Variants in PLCB4 observed in about 807,000 individuals in gnomAD.
The protein encoded by PLCB4 is 1-phosphatidylinositol 4,5-bisphosphate phosphodiesterase beta-4.
PLCB4 carries 77 observed loss-of-function variants against 178.8 expected under a neutral mutation model. That is an observed-to-expected ratio of 0.43 (90% CI 0.36 to 0.52). PLCB4 has a LOEUF of 0.52. Ranked by LOEUF, PLCB4 falls within the 20% of genes least tolerant of loss-of-function variation. The pLI, the probability that PLCB4 is intolerant of heterozygous loss-of-function variation, is 0.00. For missense variants in PLCB4, 1,024 were observed against 1,453.4 expected, an observed-to-expected ratio of 0.70 and a Z score of 4.80; for synonymous variants, 496 against 490.8, an observed-to-expected ratio of 1.01 and a Z score of -0.14.
Position 9,452,139 on chromosome 20 carries a change from C to T in PLCB4, c.2881-1208C>T, listed in dbSNP as rs142098755. 6.8e-3 allele frequency among the ~76,000 whole-genome samples: 1,039 copies of T among 152,250 alleles called. 12 individuals are homozygous for T. Among genetic ancestry groups the T allele is most frequent in the Middle Eastern group, 0.017 (5 of 294 alleles). On this transcript the variant is annotated intron_variant, in intron 32 of 39. Transcript: ENST00000378473. ...AATGCTGAGGCCTTGTGCATGAATG[C>T]GTTTCTAAAGAATTTATATATAAAT...
At chr20:9,433,796 A>G (rs1238437942) in intron 28 of PLCB4, among the ~76,000 whole-genome samples, 1 of 152,222 alleles carries the variant, frequency 6.6e-6, no homozygotes, top group Non-Finnish European at 1.5e-5. Context: ...AGATTTAAGA[A>G]CTAATTTTTC....
In PLCB4 at chr20:9,121,606, A is replaced by C. The variant is rs149934947; in HGVS notation, c.-79+25264A>C. On this transcript the variant is annotated intron_variant, in intron 2 of 39. Transcript: ENST00000378473. ...CCGATATAAAATGTACTACTAGAAT[A>C]TTCAGAAATCCTTTAGGGAGAATTG... Among the ~76,000 whole-genome samples, 949 of 152,328 alleles carry C rather than the reference A, an allele frequency of 6.2e-3. 7 individuals carry two copies. Among genetic ancestry groups the C allele is most frequent in the South Asian group, 0.015 (71 of 4,830 alleles).
chr20:9,292,124 A>G (rs908783501), intron 3 of PLCB4, among the ~76,000 whole-genome samples: 38 of 152,270 alleles, frequency 2.5e-4, no homozygotes, highest in African/African-American at 7.5e-4. Context: ...CACTTTGCCC[A>G]TTTTTGTGAA....
intron 34 of PLCB4, 49 bp downstream of exon 34, chr20:9,457,538 T>TAA (rs1397161655): frequency 4.4e-6 from 4 of 903,102 alleles, no homozygotes; most frequent in Non-Finnish European, 7.5e-6. Flanking sequence ...AGACACTTTG[T>TAA]AATTTTTTAG....
In PLCB4 at chr20:9,180,542, G is replaced by A. The variant is rs139379391; in HGVS notation, c.-78-36848G>A. ...GCCTAAACTCAGTTTAGCATGGCTG[G>A]TGTTACAACCCTCAATTCCTTTCTG... On this transcript the variant is annotated intron_variant, in intron 2 of 39. Transcript: ENST00000378473. 5.3e-4 allele frequency among the ~76,000 whole-genome samples: 80 copies of A among 152,248 alleles called. 1 individual carries two copies. The East Asian group carries it at 0.014, about 26-fold the overall frequency.
chr20:9,158,824 T>C (rs974247671), intron 2 of PLCB4, among the ~76,000 whole-genome samples: 5 of 152,174 alleles, frequency 3.3e-5, no homozygotes, highest in African/African-American at 1.2e-4. Flanking sequence ...TGAGACTATT[T>C]GATGCAATCA....
intron 2 of PLCB4, among the ~76,000 whole-genome samples, chr20:9,189,561 G>A (rs987599682): frequency 1.3e-5 from 2 of 152,276 alleles, no homozygotes; most frequent in East Asian, 1.9e-4. Flanking sequence ...CAGCATCCCC[G>A]GACTCCACCC....
chr20:9,213,939 G>A (rs1242297986), intron 2 of PLCB4, among the ~76,000 whole-genome samples: 1 of 151,824 alleles, frequency 6.6e-6, no homozygotes, highest in Non-Finnish European at 1.5e-5. Flanking sequence ...ATCTTTTTTG[G>A]GAAATGTCTA....
chr20:9,366,766 A>G (rs1001507096), intron 9 of PLCB4, among the ~76,000 whole-genome samples: 7 of 152,222 alleles, frequency 4.6e-5, no homozygotes, highest in Admixed American at 1.3e-4. Flanking sequence ...TAAGCCCACA[A>G]CCAGAATCAA....
intron 2 of PLCB4, among the ~76,000 whole-genome samples, chr20:9,135,104 G>T (rs2092355485): frequency 6.6e-6 from 1 of 151,864 alleles, no homozygotes; most frequent in Non-Finnish European, 1.5e-5. Context: ...AGAAAGAAAT[G>T]GTCAAAATGA....
intron 2 of PLCB4, among the ~76,000 whole-genome samples, chr20:9,185,122 C>T (rs574774713): frequency 3.9e-5 from 6 of 152,062 alleles, no homozygotes; most frequent in Admixed American, 2.0e-4. Context: ...AGGTTGGTCT[C>T]GAACTTCTGG....
chr20:9,277,780 A>G (rs2094462544), intron 3 of PLCB4, among the ~76,000 whole-genome samples: 1 of 151,944 alleles, frequency 6.6e-6, no homozygotes, highest in Non-Finnish European at 1.5e-5. Context: ...CAGCTTTCCT[A>G]TCTAGGAGGA....
At chr20:9,272,185 C>G (rs2094409931) in intron 3 of PLCB4, among the ~76,000 whole-genome samples, 1 of 145,274 alleles carries the variant, frequency 6.9e-6, no homozygotes, top group Non-Finnish European at 1.5e-5. Context: ...CCACGCACCC[C>G]CCTCAAAAAA....
intron 2 of PLCB4, among the ~76,000 whole-genome samples, chr20:9,150,102 T>C (rs59611690): frequency 0.027 from 4,123 of 152,310 alleles, 152 homozygotes; most frequent in African/African-American, 0.087. Context: ...TCTTCAGTCC[T>C]GAAGCAGTGT....
At chr20:9,321,132 C>T (rs924846151) in intron 4 of PLCB4, among the ~76,000 whole-genome samples, 2 of 152,156 alleles carry the variant, frequency 1.3e-5, no homozygotes, top group African/African-American at 4.8e-5. Flanking sequence ...GAACCCTTGA[C>T]ACAGTGCAAA....
At chr20:9,430,053 G>T (rs1231939370) in intron 28 of PLCB4, among the ~76,000 whole-genome samples, 1 of 151,350 alleles carries the variant, frequency 6.6e-6, no homozygotes, top group African/African-American at 2.4e-5. Flanking sequence ...GATAGCTGAT[G>T]AGCTATAAAA....
At chr20:9,070,303 T>TTG (rs1312199244) in intron 1 of PLCB4, among the ~76,000 whole-genome samples, 3 of 152,050 alleles carry the variant, frequency 2.0e-5, no homozygotes, top group Admixed American at 6.5e-5. Flanking sequence ...AATAGAAAAA[T>TTG]TGTGTGTGTG....
intron 2 of PLCB4, among the ~76,000 whole-genome samples, chr20:9,102,245 G>A (rs2091185541): frequency 6.6e-6 from 1 of 152,162 alleles, no homozygotes; most frequent in Admixed American, 6.5e-5. Flanking sequence ...CTTCATAAAT[G>A]TATAGAAAAT....
intron 2 of PLCB4, among the ~76,000 whole-genome samples, chr20:9,127,582 C>T (rs2092149362): frequency 6.6e-6 from 1 of 152,020 alleles, no homozygotes; most frequent in Admixed American, 6.6e-5. Context: ...TTAGACACTT[C>T]AGGTGCCCTG....
Sources: gnomAD v4.1 joint callset for allele counts (sites outside exome capture counted in the v4.1 genomes callset) on GRCh38, gnomAD v4.1.1 for gene constraint, MANE v1.5 for transcripts, NCBI Gene and HGNC (gene_info 2026-07-23, HGNC 2026-07-21) for gene names.